The following HIVEP3 variants were observed in gnomAD, a reference collection of about 807,000 sequenced individuals.
HIVEP3 encodes the protein HIVEP zinc finger 3.
In HIVEP3, 49 loss-of-function variants were observed where a neutral mutation model predicts 152.8. The ratio of observed to expected loss-of-function variants is 0.32; its 90% CI spans 0.26 to 0.41. The LOEUF (loss-of-function observed/expected upper bound fraction) is 0.41, where lower values mean the gene tolerates loss of function less well. Ranked by LOEUF, HIVEP3 falls within the 10% of genes least tolerant of loss-of-function variation. The probability of loss-of-function intolerance (pLI) is 1.00; values close to 1 mark genes in which losing one functional copy is unlikely to be tolerated. For synonymous variants in HIVEP3, 1,269 were observed against 1,289.0 expected (o/e 0.98, Z 0.33); for missense variants, 2,790 against 3,103.3 (o/e 0.90, Z 2.40).
At chr1:41,901,976 G>A (rs1328434076) in intron 1 of HIVEP3, among the ~76,000 whole-genome samples, 1 of 152,150 alleles carries the variant, frequency 6.6e-6, no homozygotes, top group Non-Finnish European at 1.5e-5. Flanking sequence ...ACAGAACAGG[G>A]ATTCAATACC....
At chr1:41,620,038 A>G (rs1300321742) in intron 3 of HIVEP3, among the ~76,000 whole-genome samples, 4 of 152,184 alleles carry the variant, frequency 2.6e-5, no homozygotes, top group Admixed American at 2.6e-4. Flanking sequence ...GTTCCTTTGA[A>G]TATCTGTTGA....
In HIVEP3 at chr1:41,676,631, C is replaced by A. The variant is rs192456445; in HGVS notation, c.-721+24285G>T. On this transcript the variant is annotated intron_variant, in intron 2 of 8. Coordinates refer to ENST00000372583, the MANE Select transcript of HIVEP3 (RefSeq NM_024503.5). ...CATCCATCTCAGGGTAATGCACGACCATTCCTTTTCTTTCTCTGTTCAGTA... is the reference window on the plus strand; with the variant it reads ...CATCCATCTCAGGGTAATGCACGACAATTCCTTTTCTTTCTCTGTTCAGTA... Among the ~76,000 whole-genome samples the A allele has an allele frequency of 2.3e-4, 35 of 152,302 alleles. No homozygotes were observed. In the East Asian group the frequency reaches 5.8e-3, roughly 25 times the overall value.
chr1:41,935,461 AT>A (rs1321796530), intron 1 of HIVEP3, among the ~76,000 whole-genome samples: 2 of 152,064 alleles, frequency 1.3e-5, no homozygotes, highest in East Asian at 3.9e-4. Flanking sequence ...GAAATGCCTT[AT>A]TAGCTGAGTC....
chr1:41,786,378 GC>G (rs1039316264), intron 1 of HIVEP3, among the ~76,000 whole-genome samples: 6 of 152,148 alleles, frequency 3.9e-5, no homozygotes, highest in Non-Finnish European at 8.8e-5. Context: ...CTCAGGGCCT[GC>G]CCCACTTCTC....
At chr1:41,608,287 A>G (rs1451298150) in intron 3 of HIVEP3, among the ~76,000 whole-genome samples, 4 of 152,128 alleles carry the variant, frequency 2.6e-5, no homozygotes, top group African/African-American at 9.7e-5. Context: ...TTGCCAAAAG[A>G]AGGACTTTTC....
intron 5 of HIVEP3, among the ~76,000 whole-genome samples, chr1:41,568,490 C>T (rs551108464): frequency 1.4e-4 from 21 of 152,338 alleles, no homozygotes; most frequent in African/African-American, 3.8e-4. Flanking sequence ...TCGGGGGACA[C>T]GGCGTAGGAG....
At position 41,569,721 on chromosome 1, in the gene HIVEP3, G is replaced by A. The variant is rs1417389235; in HGVS notation, c.5207+5823C>T. Among the ~76,000 whole-genome samples the A allele has an allele frequency of 2.0e-5, 3 of 151,966 alleles. No homozygotes were observed. In the East Asian group the frequency reaches 5.8e-4, roughly 29 times the overall value. On this transcript the variant is annotated intron_variant, in intron 5 of 8. Coordinates refer to ENST00000372583, the MANE Select transcript of HIVEP3 (RefSeq NM_024503.5). ...TTTCATGAAACACACAGGTATGTGT[G>A]CACATACACAGGCACACACACACAC...
intron 1 of HIVEP3, among the ~76,000 whole-genome samples, chr1:41,932,669 T>C (rs1469788255): frequency 6.6e-6 from 1 of 151,852 alleles, no homozygotes; most frequent in Non-Finnish European, 1.5e-5. Context: ...GTTTCAAATG[T>C]ATTGATTTTT....
intron 5 of HIVEP3, among the ~76,000 whole-genome samples, chr1:41,549,812 A>C (rs138363054): frequency 0.011 from 1,620 of 151,992 alleles, 24 homozygotes; most frequent in African/African-American, 0.034. Flanking sequence ...AATTTTCTCC[A>C]ATTTTGTAGG....
intron 1 of HIVEP3, among the ~76,000 whole-genome samples, chr1:41,924,508 T>A (rs765162651): frequency 5.3e-5 from 8 of 152,110 alleles, no homozygotes; most frequent in Non-Finnish European, 1.0e-4. Context: ...ACCTCACAAG[T>A]CACATGCAAG....
chr1:41,681,009 C>T, intron 2 of HIVEP3, among the ~76,000 whole-genome samples: 1 of 152,062 alleles, frequency 6.6e-6, no homozygotes, highest in East Asian at 1.9e-4. Context: ...TAATACTATT[C>T]CCAATTTGCA....
chr1:41,640,471 G>A (rs2149156725), intron 2 of HIVEP3, among the ~76,000 whole-genome samples: 1 of 152,324 alleles, frequency 6.6e-6, no homozygotes, highest in East Asian at 1.9e-4. Flanking sequence ...TTGAGGTCCA[G>A]CTGCACCCAG....
chr1:41,558,602 C>G (rs932279873), intron 5 of HIVEP3, among the ~76,000 whole-genome samples: 5 of 152,198 alleles, frequency 3.3e-5, no homozygotes, highest in Non-Finnish European at 7.4e-5. Flanking sequence ...GGGAACATGG[C>G]CCCTGAAGAC....
At chr1:41,756,600 T>C (rs994038150) in intron 1 of HIVEP3, among the ~76,000 whole-genome samples, 1 of 152,218 alleles carries the variant, frequency 6.6e-6, no homozygotes, top group Non-Finnish European at 1.5e-5. Flanking sequence ...ATGCCAATAA[T>C]TGGTTAAATA....
At chr1:41,955,066 A>G (rs1248174782) in intron 1 of HIVEP3, among the ~76,000 whole-genome samples, 1 of 151,964 alleles carries the variant, frequency 6.6e-6, no homozygotes, top group Non-Finnish European at 1.5e-5. Flanking sequence ...AGCATTTTCA[A>G]TGTTCCATGC....
intron 5 of HIVEP3, among the ~76,000 whole-genome samples, chr1:41,529,049 ACACCCC>A (rs1441948335): frequency 2.5e-5 from 3 of 121,068 alleles, no homozygotes; most frequent in Non-Finnish European, 5.2e-5. Context: ...ACACATGCTC[ACACCCC>A]CACCCTCACC....
chr1:41,644,033 C>T (rs1405621648), intron 2 of HIVEP3, among the ~76,000 whole-genome samples: 1 of 151,924 alleles, frequency 6.6e-6, no homozygotes, highest in Non-Finnish European at 1.5e-5. Context: ...ACTACAGGTG[C>T]GTGCCACCAC....
chr1:41,794,995 A>G (rs1649904738), intron 1 of HIVEP3, among the ~76,000 whole-genome samples: 1 of 152,202 alleles, frequency 6.6e-6, no homozygotes, highest in Admixed American at 6.5e-5. Context: ...TGGCACAATC[A>G]TAGCTTACTA....
chr1:41,908,137 G>C (rs779917651), intron 1 of HIVEP3, among the ~76,000 whole-genome samples: 1 of 152,138 alleles, frequency 6.6e-6, no homozygotes, highest in Non-Finnish European at 1.5e-5. Flanking sequence ...GTAAGTGGAA[G>C]AGGAAAGAGA....
Sources: allele counts gnomAD v4.1 joint callset (sites outside exome capture counted in the v4.1 genomes callset), GRCh38; gene constraint gnomAD v4.1.1; transcripts MANE v1.5; gene names NCBI Gene and HGNC (gene_info 2026-07-23, HGNC 2026-07-21).